Variants in PCDHGB3 observed in about 807,000 individuals in gnomAD.
PCDHGB3 encodes the protein protocadherin gamma subfamily B, 3, also known as protocadherin gamma-B3.
PCDHGB3 carries 40 observed loss-of-function variants against 59.2 expected under a neutral mutation model. That is an observed-to-expected ratio of 0.68 (90% CI 0.52 to 0.88). PCDHGB3 has a LOEUF of 0.88. Among genes scored for constraint, PCDHGB3 ranks in the 40% least tolerant of loss-of-function variants. The pLI, the probability that PCDHGB3 is intolerant of heterozygous loss-of-function variation, is 0.00. For missense variants in PCDHGB3, 1,309 were observed against 1,187.9 expected, an observed-to-expected ratio of 1.10 and a Z score of -1.50; for synonymous variants, 581 against 503.6, an observed-to-expected ratio of 1.15 and a Z score of -2.06.
intron 1 of PCDHGB3, chr5:141,390,762 C>T (rs2092226751): frequency 6.0e-6 from 1 of 166,616 alleles, no homozygotes; most frequent in African/African-American, 2.4e-5. Context: ...GTTTTGTTTC[C>T]TGTGTTAACT....
intron 2 of PCDHGB3, among the ~76,000 whole-genome samples, chr5:141,498,191 A>G (rs2099782212): frequency 6.6e-6 from 1 of 152,270 alleles, no homozygotes; most frequent in African/African-American, 2.4e-5. Flanking sequence ...CAAATTAACC[A>G]GCTAAAGAAA....
chr5:141,400,863 T>G (rs370697957), intron 1 of PCDHGB3, among the ~76,000 whole-genome samples: 1 of 152,250 alleles, frequency 6.6e-6, no homozygotes. Context: ...TGTATGTAGA[T>G]AAACCATTAA....
At chr5:141,410,281 G>A (rs368378842) in intron 1 of PCDHGB3, 33 of 1,613,938 alleles carry the variant, frequency 2.0e-5, no homozygotes, top group Non-Finnish European at 2.0e-5. Context: ...TTTACCTGGT[G>A]GTGGCCTTGG....
chr5:141,447,689 AG>A lies in PCDHGB3; in HGVS notation c.2416-47115del, dbSNP rs145694922. ...TTAGAACTGTTCCATATCTTGATAGAGGGATGGGTTATAAGGATGTACACAT... is the reference window on the plus strand; with the variant it reads ...TTAGAACTGTTCCATATCTTGATAGAGGATGGGTTATAAGGATGTACACAT... On this transcript the variant is annotated intron_variant, in intron 1 of 3. Coordinates refer to ENST00000576222, the MANE Select transcript of PCDHGB3 (RefSeq NM_018924.5). Among the ~76,000 whole-genome samples the A allele has an allele frequency of 4.6e-3, 694 of 152,302 alleles. 4 individuals are homozygous for A. The highest frequency in any genetic ancestry group is 0.015 in the African/African-American group (633 of 41,566).
chr5:141,492,723 C>T (rs896613323), intron 1 of PCDHGB3, among the ~76,000 whole-genome samples: 2 of 152,268 alleles, frequency 1.3e-5, no homozygotes, highest in African/African-American at 4.8e-5. Flanking sequence ...GGCGGACAGG[C>T]AGAGCTGCCC....
At chr5:141,434,489 C>T (rs921000136) in intron 1 of PCDHGB3, among the ~76,000 whole-genome samples, 4 of 152,158 alleles carry the variant, frequency 2.6e-5, no homozygotes, top group Non-Finnish European at 4.4e-5. Flanking sequence ...ACACCTGGCC[C>T]GCCCAGGGCA....
At chr5:141,508,123 G>A (rs989767852) in intron 3 of PCDHGB3, 1 of 152,616 alleles carries the variant, frequency 6.6e-6, no homozygotes, top group Non-Finnish European at 1.5e-5. Context: ...GAGGACAGAG[G>A]GAGGTCAGGG....
chr5:141,431,376 CT>C lies in PCDHGB3; in HGVS notation c.2415+58568del. The C allele has an allele frequency of 1.2e-6, 2 of 1,613,436 alleles. No individual in the cohort carries two copies. The highest frequency in any genetic ancestry group is 1.7e-6 in the Non-Finnish European group (2 of 1,179,562). On this transcript the variant is annotated intron_variant, in intron 1 of 3. Transcript: ENST00000576222. This position sits in a 1 kb window ranked among gnomAD's most constrained non-coding sequence, Gnocchi z 4.8. ...CGCGCCCTGGACCGCGAAGAAAAGG[CT>C]GCTCACCACCTGGTCCTTACGGCCT...
At chr5:141,414,834 C>T in intron 1 of PCDHGB3, 1 of 1,614,252 alleles carries the variant, frequency 6.2e-7, no homozygotes, top group South Asian at 1.1e-5. Context: ...TGTCGTTGAG[C>T]CTGTTTGTGC....
chr5:141,380,050 C>A (rs112095214), intron 1 of PCDHGB3, among the ~76,000 whole-genome samples: 11,568 of 151,826 alleles, frequency 0.076, 586 homozygotes, highest in African/African-American at 0.14. Context: ...CAGGTGCATG[C>A]CACCATGCCT....
chr5:141,399,628 G>A (rs775633916), intron 1 of PCDHGB3: 23 of 1,613,772 alleles, frequency 1.4e-5, no homozygotes, highest in South Asian at 2.2e-5. Context: ...GGCCTCTTAC[G>A]TGTCCATGAG....
At position 141,431,438 on chromosome 5, in the gene PCDHGB3, C is replaced by G. The variant is rs773812765; in HGVS notation, c.2415+58629C>G. The G allele has an allele frequency of 3.9e-5, 63 of 1,613,612 alleles. No homozygotes were observed. In the East Asian group the frequency reaches 1.4e-3, roughly 35 times the overall value. ...CGACCCGGTGCGCACAGGCACCGCG[C>G]GCATCCGCGTGATGGTTCTGGATGC... is the stretch of plus-strand genomic sequence containing the variant. On this transcript the variant is annotated intron_variant, in intron 1 of 3. Coordinates refer to ENST00000576222, the MANE Select transcript of PCDHGB3 (RefSeq NM_018924.5). The surrounding 1 kb of genome is among the most constrained non-coding windows in gnomAD (Gnocchi z 4.8).
Position 141,371,310 on chromosome 5 carries a change from G to A in PCDHGB3, c.916G>A (p.Glu306Lys). The A allele has an allele frequency of 1.2e-6, 2 of 1,613,992 alleles. No homozygotes were observed. The highest frequency in any genetic ancestry group is 1.7e-6 in the Non-Finnish European group (2 of 1,179,878). ...AACGGGGGAACTCACCACTATTGGAGAACTGGACTTTGAAGAGAGAGATAG... is the reference window on the plus strand; with the variant it reads ...AACGGGGGAACTCACCACTATTGGAAAACTGGACTTTGAAGAGAGAGATAG... ...SKTGELTTIG[E>K]LDFEERDSYT... The change falls in exon 1 of 4, where the codon GAA (glutamate) becomes AAA (lysine). Residue 306 changes from glutamate to lysine, a missense_variant. By Grantham distance (56) the Glu-to-Lys change is moderately conservative. Coordinates refer to ENST00000576222, the MANE Select transcript of PCDHGB3 (RefSeq NM_018924.5).
intron 3 of PCDHGB3, among the ~76,000 whole-genome samples, chr5:141,506,799 A>G (rs1026030023): frequency 5.3e-5 from 8 of 152,198 alleles, no homozygotes; most frequent in Admixed American, 3.9e-4. Flanking sequence ...CTGGCAGAGG[A>G]TCAAGGCATT....
chr5:141,441,737 C>CG, intron 1 of PCDHGB3: 1 of 365,242 alleles, frequency 2.7e-6, no homozygotes, highest in South Asian at 2.2e-5. Flanking sequence ...AGGACTAGCT[C>CG]GCGCTCGGCG....
rs757157488 is a variant in PCDHGB3 at position 141,477,668 on chromosome 5, A to G, written c.2416-17139A>G. ...TTTCACAATAAATCGTGACAATGGC[A>G]TAGTGTCATCCTTAGTGCCCCTAGA... On this transcript the variant is annotated intron_variant, in intron 1 of 3. Coordinates refer to ENST00000576222, the MANE Select transcript of PCDHGB3 (RefSeq NM_018924.5). The surrounding 1 kb of genome is among the most constrained non-coding windows in gnomAD (Gnocchi z 4.9). 10 of 1,614,104 alleles carry G rather than the reference A, an allele frequency of 6.2e-6. No individual in the cohort carries two copies. Among genetic ancestry groups the G allele is most frequent in the Non-Finnish European group, 8.5e-6 (10 of 1,180,046 alleles).
At chr5:141,417,710 T>A in intron 1 of PCDHGB3, 2 of 1,249,348 alleles carry the variant, frequency 1.6e-6, no homozygotes, top group Admixed American at 5.9e-5. Context: ...ACACAGAGGC[T>A]CCCGGCTGCG....
In PCDHGB3 at chr5:141,512,243, C is replaced by T. The variant is rs1205585993; in HGVS notation, c.*1070C>T. ...AGGTCCCCTTGAGAGGTCAGAGGGG[C>T]CTCTGTGGGTGCTGGGTACTCCAGA... On this transcript the variant is annotated 3_prime_UTR_variant, in exon 4 of 4. Transcript: ENST00000576222. 2 of 152,728 alleles carry T rather than the reference C, an allele frequency of 1.3e-5. No homozygotes were observed. The highest frequency in any genetic ancestry group is 1.5e-5 in the Non-Finnish European group (1 of 68,138). 9.5% of individuals were successfully genotyped at this position (152,728 alleles called of 1,614,324 possible).
chr5:141,413,725 C>A, intron 1 of PCDHGB3: 1 of 1,613,546 alleles, frequency 6.2e-7, no homozygotes, highest in Non-Finnish European at 8.5e-7. Flanking sequence ...GCACTTCTCC[C>A]TAAGAGTTCA....
Sources: allele counts gnomAD v4.1 joint callset (sites outside exome capture counted in the v4.1 genomes callset), GRCh38; gene constraint gnomAD v4.1.1; non-coding constraint Gnocchi (gnomAD v3.1); transcripts MANE v1.5; gene names NCBI Gene and HGNC (gene_info 2026-07-23, HGNC 2026-07-21).